The following TNFSF4 variants were observed in gnomAD, a reference collection of about 807,000 sequenced individuals.
TNFSF4 encodes the protein tumor necrosis factor ligand superfamily member 4.
TNFSF4 carries 4 observed loss-of-function variants against 7.3 expected under a neutral mutation model. The observed-to-expected ratio is 0.55, with a 90% CI of 0.27 to 1.25. The LOEUF is 1.25. Among genes scored for constraint, TNFSF4 ranks in the 50% most tolerant of loss-of-function variants. The pLI, the probability that TNFSF4 is intolerant of heterozygous loss-of-function variation, is 0.12. For missense variants in TNFSF4, 181 were observed against 208.8 expected, an observed-to-expected ratio of 0.87 and a Z score of 0.82; for synonymous variants, 76 against 83.7, an observed-to-expected ratio of 0.91 and a Z score of 0.50.
the TNFSF4 span, among the ~76,000 whole-genome samples, chr1:173,356,665 T>C: frequency 2.0e-5 from 3 of 152,234 alleles, no homozygotes; most frequent in South Asian, 6.2e-4. Context: ...ATGTCTTTAA[T>C]GTTAATGTTT....
chr1:173,217,294 G>T, the TNFSF4 span, among the ~76,000 whole-genome samples: 6 of 152,160 alleles, frequency 3.9e-5, no homozygotes, highest in Non-Finnish European at 8.8e-5. Context: ...GTTTTATTCA[G>T]AGTTCCTTCT....
At chr1:173,338,244 C>T in the TNFSF4 span, among the ~76,000 whole-genome samples, 1 of 152,154 alleles carries the variant, frequency 6.6e-6, no homozygotes, top group African/African-American at 2.4e-5. Flanking sequence ...AGCTCTTTGT[C>T]CTTACTGAAA....
At chr1:173,334,182 C>G in the TNFSF4 span, among the ~76,000 whole-genome samples, 4 of 152,036 alleles carry the variant, frequency 2.6e-5, no homozygotes, top group Admixed American at 2.0e-4. Flanking sequence ...AGAATTGGCT[C>G]TCTAATCTGA....
At chr1:173,428,822 T>C in the TNFSF4 span, among the ~76,000 whole-genome samples, 1 of 152,108 alleles carries the variant, frequency 6.6e-6, no homozygotes, top group Non-Finnish European at 1.5e-5. Context: ...CTGGCCAACA[T>C]GGTGAAACCC....
At chr1:173,308,267 TTCTCTC>T in the TNFSF4 span, among the ~76,000 whole-genome samples, 17 of 132,948 alleles carry the variant, frequency 1.3e-4, no homozygotes, top group African/African-American at 3.8e-4. Flanking sequence ...CTCTCTCTCT[TTCTCTC>T]TCTCTCTCTC....
the TNFSF4 span, among the ~76,000 whole-genome samples, chr1:173,328,152 C>T: frequency 6.6e-6 from 1 of 152,072 alleles, no homozygotes; most frequent in African/African-American, 2.4e-5. Flanking sequence ...GGCACATATA[C>T]ACCATGGAAT....
the TNFSF4 span, among the ~76,000 whole-genome samples, chr1:173,346,193 C>T: frequency 6.6e-6 from 1 of 152,170 alleles, no homozygotes; most frequent in Non-Finnish European, 1.5e-5. Flanking sequence ...CTTTAGGACA[C>T]TTAAGCAAGC....
At chr1:173,407,420 T>C in the TNFSF4 span, among the ~76,000 whole-genome samples, 117 of 151,076 alleles carry the variant, frequency 7.7e-4, 1 homozygote, top group African/African-American at 2.7e-3. Flanking sequence ...ATTTGTCGGG[T>C]GTGGTCGCAC....
the TNFSF4 span, among the ~76,000 whole-genome samples, chr1:173,390,421 G>C: frequency 6.6e-6 from 1 of 152,014 alleles, no homozygotes; most frequent in Non-Finnish European, 1.5e-5. Flanking sequence ...TTTTGGCCCT[G>C]GGATTTTTCC....
the TNFSF4 span, among the ~76,000 whole-genome samples, chr1:173,255,984 T>A: frequency 6.6e-6 from 1 of 152,194 alleles, no homozygotes; most frequent in Admixed American, 6.5e-5. Context: ...GAGAGGGTAG[T>A]TCTTACAATT....
At chr1:173,190,617 T>C (rs762340554) in intron 1 of TNFSF4, among the ~76,000 whole-genome samples, 2 of 152,236 alleles carry the variant, frequency 1.3e-5, no homozygotes, top group Non-Finnish European at 2.9e-5. Context: ...CGTGGTGTGA[T>C]AGCTAATTAG....
At chr1:173,379,701 C>T in the TNFSF4 span, among the ~76,000 whole-genome samples, 2 of 152,192 alleles carry the variant, frequency 1.3e-5, no homozygotes, top group South Asian at 4.1e-4. Context: ...AGAGAAAGGC[C>T]GCAGCCTTAG....
At chr1:173,348,408 G>A in the TNFSF4 span, among the ~76,000 whole-genome samples, 6 of 152,186 alleles carry the variant, frequency 3.9e-5, no homozygotes, top group African/African-American at 1.4e-4. Context: ...GGAGCTGTGA[G>A]TCCATTAAAC....
the TNFSF4 span, among the ~76,000 whole-genome samples, chr1:173,382,057 C>G: frequency 2.0e-5 from 3 of 152,176 alleles, no homozygotes; most frequent in Non-Finnish European, 2.9e-5. Context: ...CCCTTCCACA[C>G]TGTGGAAGTT....
At chr1:173,182,169 T>C (rs1046073692), downstream of TNFSF4, among the ~76,000 whole-genome samples, 1 of 152,250 alleles carries the variant, frequency 6.6e-6, no homozygotes, top group Non-Finnish European at 1.5e-5. Context: ...ACTTGGTTCT[T>C]ATGTTCTTAC....
At chr1:173,261,907 G>A in the TNFSF4 span, among the ~76,000 whole-genome samples, 1 of 151,938 alleles carries the variant, frequency 6.6e-6, no homozygotes, top group Non-Finnish European at 1.5e-5. Context: ...GAGGTACAAA[G>A]AGGAGCTGGT....
chr1:173,293,439 C>A, the TNFSF4 span, among the ~76,000 whole-genome samples: 19 of 152,030 alleles, frequency 1.2e-4, no homozygotes, highest in Non-Finnish European at 2.1e-4. Context: ...AAACCGGACC[C>A]CTACTTTCAC....
chr1:173,428,667 G>A, the TNFSF4 span, among the ~76,000 whole-genome samples: 6 of 152,156 alleles, frequency 3.9e-5, no homozygotes, highest in Non-Finnish European at 8.8e-5. Flanking sequence ...TTTTTAAAAA[G>A]GAATTATTAT....
chr1:173,204,916 C>CACAA (rs1336918531), intron 1 of TNFSF4, among the ~76,000 whole-genome samples: 12 of 134,156 alleles, frequency 8.9e-5, no homozygotes, highest in African/African-American at 4.5e-4. Context: ...CACACACACA[C>CACAA]ACACACAAAC....
Sources: gnomAD v4.1 joint callset for allele counts (sites outside exome capture counted in the v4.1 genomes callset) on GRCh38, gnomAD v4.1.1 for gene constraint, MANE v1.5 for transcripts, NCBI Gene and HGNC (gene_info 2026-07-23, HGNC 2026-07-21) for gene names.